Variants in GABRB1 observed in about 807,000 individuals in gnomAD.
GABRB1 encodes gamma-aminobutyric acid type A receptor subunit beta1.
Under a neutral mutation model 51.6 loss-of-function variants are expected in GABRB1, and 17 were observed. That is an observed-to-expected ratio of 0.33 (90% confidence interval 0.23 to 0.49). GABRB1 has a LOEUF of 0.49. GABRB1 is among the 20% of genes least tolerant of loss of function. GABRB1 has a pLI of 0.99. For synonymous variants in GABRB1, 247 were observed against 218.9 expected (o/e 1.13, Z -1.14); for missense variants, 410 against 600.6 (o/e 0.68, Z 3.32).
At chr4:47,272,117 C>A (rs1011827200) in intron 4 of GABRB1, among the ~76,000 whole-genome samples, 7 of 152,186 alleles carry the variant, frequency 4.6e-5, no homozygotes, top group Admixed American at 3.3e-4. Flanking sequence ...GATTTAGAAT[C>A]ATTCAAGCTC....
chr4:47,188,386 C>T (rs116230459), intron 4 of GABRB1, among the ~76,000 whole-genome samples: 2 of 151,952 alleles, frequency 1.3e-5, no homozygotes, highest in Non-Finnish European at 2.9e-5. Context: ...GATTGATAAC[C>T]ATTTTATTCA....
chr4:47,415,116 G>A (rs956508993), intron 8 of GABRB1, among the ~76,000 whole-genome samples: 6 of 152,102 alleles, frequency 3.9e-5, no homozygotes, highest in African/African-American at 1.4e-4. Context: ...TTCCTTTTCA[G>A]GAATCTCTGT....
intron 4 of GABRB1, among the ~76,000 whole-genome samples, chr4:47,269,959 C>G (rs1207469929): frequency 6.6e-6 from 1 of 151,814 alleles, no homozygotes; most frequent in Non-Finnish European, 1.5e-5. Flanking sequence ...CACACACACA[C>G]ACACACACAC....
intron 4 of GABRB1, among the ~76,000 whole-genome samples, chr4:47,241,829 G>C (rs146799422): frequency 1.8e-4 from 27 of 152,048 alleles, no homozygotes; most frequent in Middle Eastern, 3.4e-3. Context: ...TATTCTACTT[G>C]AGAAATTTCA....
chr4:47,297,574 T>C (rs147026994), intron 4 of GABRB1, among the ~76,000 whole-genome samples: 87,746 of 151,810 alleles, frequency 0.58, 25,428 homozygotes, highest in East Asian at 0.69. Flanking sequence ...GTTGAATCTC[T>C]GAATAGACCA....
chr4:47,224,159 G>T (rs952000995), intron 4 of GABRB1, among the ~76,000 whole-genome samples: 1 of 149,952 alleles, frequency 6.7e-6, no homozygotes, highest in Non-Finnish European at 1.5e-5. Context: ...CCACTATTTT[G>T]TTTCTCAAGC....
At chr4:47,385,269 A>G (rs1420554557) in intron 5 of GABRB1, among the ~76,000 whole-genome samples, 1 of 152,200 alleles carries the variant, frequency 6.6e-6, no homozygotes. Flanking sequence ...TTTCTCACAA[A>G]CTTTGCAAGG....
chr4:47,165,671 C>T (rs562143612), intron 4 of GABRB1, among the ~76,000 whole-genome samples: 2 of 152,050 alleles, frequency 1.3e-5, no homozygotes, highest in Admixed American at 1.3e-4. Flanking sequence ...GGATTCTTCA[C>T]GATTTGATCA....
chr4:47,395,223 A>C (rs944251153), intron 5 of GABRB1, among the ~76,000 whole-genome samples: 1 of 152,184 alleles, frequency 6.6e-6, no homozygotes, highest in Non-Finnish European at 1.5e-5. Flanking sequence ...AAGAGGTTTA[A>C]TTGACTCACA....
At chr4:47,058,522 T>C (rs1196446312) in intron 3 of GABRB1, among the ~76,000 whole-genome samples, 2 of 152,118 alleles carry the variant, frequency 1.3e-5, no homozygotes, top group Non-Finnish European at 2.9e-5. Context: ...ACACTGGATA[T>C]CCATGCATCC....
intron 3 of GABRB1, among the ~76,000 whole-genome samples, chr4:47,114,595 C>A (rs997014497): frequency 6.6e-6 from 1 of 152,134 alleles, no homozygotes; most frequent in Admixed American, 6.6e-5. Context: ...TGGCATGTGA[C>A]TTTTCTTCTT....
At chr4:47,247,670 G>A (rs538465726) in intron 4 of GABRB1, among the ~76,000 whole-genome samples, 11 of 151,192 alleles carry the variant, frequency 7.3e-5, no homozygotes, top group East Asian at 5.8e-4. Context: ...ATGTGTTTCC[G>A]TTCGTGTCAT....
intron 5 of GABRB1, 48 bp downstream of exon 5, chr4:47,320,257 C>G (rs374636886): frequency 8.3e-7 from 1 of 1,200,930 alleles, no homozygotes; most frequent in Non-Finnish European, 1.2e-6. Context: ...CTTCCTTGAC[C>G]CAGTTGAATT....
At chr4:47,351,924 C>T (rs984727165) in intron 5 of GABRB1, among the ~76,000 whole-genome samples, 2 of 152,130 alleles carry the variant, frequency 1.3e-5, no homozygotes, top group African/African-American at 4.8e-5. Context: ...GGTATATACC[C>T]AGTAATGGGA....
chr4:47,218,426 A>G (rs946859987), intron 4 of GABRB1, among the ~76,000 whole-genome samples: 4 of 151,732 alleles, frequency 2.6e-5, no homozygotes, highest in Non-Finnish European at 5.9e-5. Context: ...TTTTTGCATA[A>G]TGGCTACACT....
At chr4:47,246,572 G>A (rs988112731) in intron 4 of GABRB1, among the ~76,000 whole-genome samples, 1 of 150,628 alleles carries the variant, frequency 6.6e-6, no homozygotes, top group Non-Finnish European at 1.5e-5. Context: ...TCAAATGGTA[G>A]TTCTACTTTT....
intron 8 of GABRB1, 93 bp from the exon 9 acceptor site, chr4:47,425,572 CACAGTGTTT>C (rs983969755): frequency 6.9e-6 from 6 of 868,928 alleles, no homozygotes; most frequent in Non-Finnish European, 9.1e-6. Context: ...TGTTTAGGAA[CACAGTGTTT>C]AATGAGCCTT....
At chr4:47,077,097 ACTG>A (rs1392484787) in intron 3 of GABRB1, among the ~76,000 whole-genome samples, 1 of 152,138 alleles carries the variant, frequency 6.6e-6, no homozygotes. Flanking sequence ...CCTCTTCTTT[ACTG>A]CATGCCCCCA....
intron 3 of GABRB1, among the ~76,000 whole-genome samples, chr4:47,104,817 A>T (rs977760746): frequency 6.6e-6 from 1 of 152,028 alleles, no homozygotes; most frequent in Non-Finnish European, 1.5e-5. Flanking sequence ...TGCTGAAATG[A>T]CTTAGCTGAG....
Sources: allele counts gnomAD v4.1 joint callset (sites outside exome capture counted in the v4.1 genomes callset), GRCh38; gene constraint gnomAD v4.1.1; transcripts MANE v1.5; gene names NCBI Gene and HGNC (gene_info 2026-07-23, HGNC 2026-07-21).